The following ALB variants were observed in gnomAD, a reference collection of about 807,000 sequenced individuals.
ALB encodes albumin, also known as serum albumin.
Under a neutral mutation model 74.5 loss-of-function variants are expected in ALB, and 37 were observed. The observed-to-expected ratio is 0.50, with a 90% CI of 0.38 to 0.65. The LOEUF is 0.65. Among genes scored for constraint, ALB ranks in the 30% least tolerant of loss-of-function variants. ALB has a pLI of 0.00. For synonymous variants in ALB, 249 were observed against 251.6 expected, an observed-to-expected ratio of 0.99 and a Z score of 0.10; for missense variants, 685 against 718.7, an observed-to-expected ratio of 0.95 and a Z score of 0.54.
At chr4:73,410,489 G>A in intron 6 of ALB, 80 bp downstream of exon 6, 1 of 1,146,026 alleles carries the variant, frequency 8.7e-7, no homozygotes, top group Non-Finnish European at 1.3e-6. Context: ...ACATTTTTAT[G>A]TATTTTGCAA....
Position 73,415,143 on chromosome 4 carries a change from T to A in ALB, c.1167T>A (p.Asp389Glu), listed in dbSNP as rs1274511335. Reference sequence around the variant, plus strand: ...TAGAGAAGTGCTGTGCCGCTGCAGATCCTCATGAATGCTATGCCAAAGTGG... The same window carrying A: ...TAGAGAAGTGCTGTGCCGCTGCAGAACCTCATGAATGCTATGCCAAAGTGG... ...TTLEKCCAAA[D>E]PHECYAKVFD... The change falls in exon 9 of 15, where the codon GAT becomes GAA. Residue 389 changes from aspartate to glutamate, a missense_variant. By Grantham distance (45) the Asp-to-Glu change is conservative. Transcript: ENST00000295897. 1.7e-5 allele frequency: 28 copies of A among 1,614,168 alleles called. No homozygotes were observed. The highest frequency in any genetic ancestry group is 2.3e-5 in the Non-Finnish European group (27 of 1,180,022).
Position 73,406,846 on chromosome 4 carries a change from AATTATT to A in ALB, c.270+90_270+95del, listed in dbSNP as rs979966514. Reference sequence around the variant, plus strand: ...AAAGGAATTTTTTTTAAGTTTTCTCAATTATTATTAAGTGTCCTGATTTGTAAGAAA... The same window carrying A: ...AAAGGAATTTTTTTTAAGTTTTCTCAATTAAGTGTCCTGATTTGTAAGAAA... On this transcript the variant is annotated intron_variant, in intron 3 of 14. Coordinates refer to ENST00000295897, the MANE Select transcript of ALB (RefSeq NM_000477.7). 1.8e-5 allele frequency: 27 copies of A among 1,495,906 alleles called. No homozygotes were observed. In the African/African-American group the frequency reaches 3.3e-4, roughly 19 times the overall value. The allele number at this position is 1,495,906 out of a possible 1,614,324, so 92.7% of individuals were successfully genotyped here.
At position 73,405,007 on chromosome 4, in the gene ALB, T is replaced by G. The variant is rs1293742589; in HGVS notation, c.80-109T>G. ...CTGTAGGAATCAGAGCCCAATATTT[T>G]GAAACAAATGCATAATCTAAGTCAA... On this transcript the variant is annotated intron_variant, in intron 1 of 14. Coordinates refer to ENST00000295897, the MANE Select transcript of ALB (RefSeq NM_000477.7). 7 of 1,066,020 alleles carry G rather than the reference T, an allele frequency of 6.6e-6. No homozygotes were observed. The East Asian group carries it at 1.7e-4, about 26-fold the overall frequency. The allele number at this position is 1,066,020 out of a possible 1,614,324, so 66.0% of individuals were successfully genotyped here.
At chr4:73,418,497 GT>G (rs1044915621) in intron 12 of ALB, among the ~76,000 whole-genome samples, 186 bp downstream of exon 12, 15 of 152,034 alleles carry the variant, frequency 9.9e-5, no homozygotes, top group Admixed American at 2.0e-4. Flanking sequence ...AAAATCCTCT[GT>G]TATAATATTG....
chr4:73,407,978 A>T (rs1273700589), intron 3 of ALB, among the ~76,000 whole-genome samples: 4 of 152,198 alleles, frequency 2.6e-5, no homozygotes, highest in Admixed American at 2.6e-4. Context: ...ATAAAAATTA[A>T]TAAATTCTGT....
At chr4:73,405,294 T>G in intron 2 of ALB, 121 bp downstream of exon 2, 1 of 825,072 alleles carries the variant, frequency 1.2e-6, no homozygotes, top group Non-Finnish European at 2.0e-6. Flanking sequence ...CCTCGTAGAG[T>G]TTTCTGCGTT....
intron 2 of ALB, 26 bp downstream of exon 2, chr4:73,405,199 A>G: frequency 6.5e-7 from 1 of 1,547,292 alleles, no homozygotes; most frequent in Admixed American, 1.7e-5. Flanking sequence ...GATGAATCAA[A>G]TTTAATGTTT....
At chr4:73,417,916 T>C (rs1349409431) in intron 11 of ALB, 172 bp from the exon 12 acceptor site, 3 of 732,798 alleles carry the variant, frequency 4.1e-6, no homozygotes, top group Non-Finnish European at 6.9e-6. Flanking sequence ...TGGTGCCATC[T>C]CGGCTCACTG....
chr4:73,413,861 G>A (rs1292101412), intron 8 of ALB, among the ~76,000 whole-genome samples: 1 of 152,132 alleles, frequency 6.6e-6, no homozygotes, highest in African/African-American at 2.4e-5. Context: ...TTACTCCTTA[G>A]GGGTATTTCT....
chr4:73,411,687 A>T (rs1273269362), intron 6 of ALB, among the ~76,000 whole-genome samples: 1 of 152,184 alleles, frequency 6.6e-6, no homozygotes, highest in East Asian at 1.9e-4. Flanking sequence ...CAAGTGATAA[A>T]GCCAGAGCTG....
intron 9 of ALB, 165 bp downstream of exon 9, chr4:73,415,332 A>G: frequency 6.1e-6 from 5 of 816,220 alleles, no homozygotes; most frequent in Non-Finnish European, 7.6e-6. Flanking sequence ...GTAGCCTTAG[A>G]ATGATTAACA....
intron 5 of ALB, 83 bp downstream of exon 5, chr4:73,409,570 G>A: frequency 1.9e-6 from 3 of 1,563,482 alleles, no homozygotes; most frequent in African/African-American, 1.4e-5. Flanking sequence ...GGGAACCTGA[G>A]TGTCTGATAC....
At position 73,406,668 on chromosome 4, in the gene ALB, A is replaced by C; in HGVS notation, c.177A>C (p.Pro59=). Residue 59 remains proline (P), a synonymous_variant, in exon 3 of 15, where the codon CCA becomes CCC. Transcript: ENST00000295897. The part of the protein sequence containing the change: ...IAFAQYLQQC[P]FEDHVKLVNE... ...TTGCTCAGTATCTTCAGCAGTGTCC[A>C]TTTGAAGATCATGTAAAATTAGTGA... is the stretch of plus-strand genomic sequence containing the variant. 6.2e-7 allele frequency: 1 copy of C among 1,613,844 alleles called. No individual in the cohort carries two copies. The highest frequency in any genetic ancestry group is 8.5e-7 in the Non-Finnish European group (1 of 1,179,888).
chr4:73,420,512 TA>T (rs1719117257), intron 14 of ALB, among the ~76,000 whole-genome samples, 191 bp downstream of exon 14: 1 of 152,196 alleles, frequency 6.6e-6, no homozygotes, highest in South Asian at 2.1e-4. Context: ...TTCTATTTTG[TA>T]GATGAGAAAA....
At chr4:73,415,262 G>A in intron 9 of ALB, 95 bp downstream of exon 9, 5 of 1,419,234 alleles carry the variant, frequency 3.5e-6, no homozygotes, top group Non-Finnish European at 3.9e-6. Context: ...GATATACAGT[G>A]CAATTTAGAT....
chr4:73,414,284 T>A (rs777007848), intron 8 of ALB, among the ~76,000 whole-genome samples: 2 of 152,206 alleles, frequency 1.3e-5, no homozygotes, highest in Non-Finnish European at 2.9e-5. Context: ...AGAAAGAGAA[T>A]ATTTTAAGAA....
chr4:73,420,174 A>G (rs1177118440), intron 13 of ALB, 80 bp from the exon 14 acceptor site: 3 of 1,272,534 alleles, frequency 2.4e-6, no homozygotes, highest in African/African-American at 3.0e-5. Context: ...TGCAATCATC[A>G]ATAGCTTCAT....
intron 2 of ALB, among the ~76,000 whole-genome samples, 157 bp downstream of exon 2, chr4:73,405,330 A>C (rs190725722): frequency 4.6e-5 from 7 of 152,360 alleles, no homozygotes; most frequent in Admixed American, 6.5e-5. Flanking sequence ...TATCTGGGCT[A>C]TCCAATAAGG....
chr4:73,408,554 G>A, intron 3 of ALB, 40 bp from the exon 4 acceptor site: 1 of 1,555,912 alleles, frequency 6.4e-7, no homozygotes, highest in Non-Finnish European at 8.8e-7. Context: ...AAAGAAAAAA[G>A]GTACTGTCCA....
Sources: allele counts gnomAD v4.1 joint callset (sites outside exome capture counted in the v4.1 genomes callset), GRCh38; gene constraint gnomAD v4.1.1; transcripts MANE v1.5; gene names NCBI Gene and HGNC (gene_info 2026-07-23, HGNC 2026-07-21).